ZNF445: variants seen among roughly 807,000 people sequenced by gnomAD.
ZNF445 encodes zinc finger protein 445, also known as zinc finger protein 168.
Under a neutral mutation model 93.9 loss-of-function variants are expected in ZNF445, and 19 were observed. That is an observed-to-expected ratio of 0.20 (90% confidence interval 0.14 to 0.30). ZNF445 has a LOEUF of 0.30. Ranked by LOEUF, ZNF445 falls within the 10% of genes least tolerant of loss-of-function variation. The pLI is 1.00. For missense variants in ZNF445, 1,058 were observed against 1,259.4 expected, an observed-to-expected ratio of 0.84 and a Z score of 2.42; for synonymous variants, 449 against 446.3, an observed-to-expected ratio of 1.01 and a Z score of -0.08.
Position 44,448,586 on chromosome 3 carries a change from T to C in ZNF445, c.1085A>G (p.Lys362Arg), listed in dbSNP as rs1419972769. ...TTGTATGGGATTTTCACATTGATCCTTCTGCCTGCTCTTCTGTTGAAAAGA... is the reference window on the plus strand; with the variant it reads ...TTGTATGGGATTTTCACATTGATCCCTCTGCCTGCTCTTCTGTTGAAAAGA... ...RESFQQKSRQKDQCENPIQVR... is the reference protein window; with the variant it reads ...RESFQQKSRQRDQCENPIQVR... Residue 362 changes from lysine (K) to arginine (R), a missense_variant, in exon 8 of 8, where the codon AAG becomes AGG. Lys to Arg is a conservative substitution (Grantham distance 26). Coordinates refer to ENST00000396077, the MANE Select transcript of ZNF445 (RefSeq NM_181489.6). The C allele has an allele frequency of 6.2e-7, 1 of 1,614,168 alleles. No homozygotes were observed. The highest frequency in any genetic ancestry group is 1.7e-5 in the Admixed American group (1 of 60,028).
In ZNF445 at chr3:44,441,404, C is replaced by T. The variant is rs1575304859; in HGVS notation, c.*5171G>A. On this transcript the variant is annotated 3_prime_UTR_variant, in exon 8 of 8. Transcript: ENST00000396077. ...TCTTTATGACTGTATCTTGTGCTGA[C>T]CTCCTATCTCATCCCATGACTTGGA... 2 of 152,250 alleles carry T rather than the reference C, an allele frequency of 1.3e-5. No individual in the cohort carries two copies. The highest frequency in any genetic ancestry group is 1.3e-4 in the Admixed American group (2 of 15,284). The allele number at this position is 152,250 out of a possible 1,614,324, so 9.4% of individuals were successfully genotyped here. A position where few individuals can be genotyped will look rare whatever the true frequency, so the allele number is the denominator to read the frequency against.
intron 2 of ZNF445, 28 bp downstream of exon 2, chr3:44,458,216 A>C (rs1031668551): frequency 6.6e-6 from 1 of 151,860 alleles, no homozygotes; most frequent in Non-Finnish European, 1.5e-5. Flanking sequence ...TAAAAATACA[A>C]AACTTAGCTG....
chr3:44,469,414 G>T (rs4431151), intron 1 of ZNF445, among the ~76,000 whole-genome samples: 6 of 152,008 alleles, frequency 3.9e-5, no homozygotes, highest in African/African-American at 1.5e-4. Context: ...CTCCTCTGTG[G>T]GGTCTGAAAT....
chr3:44,454,523 T>TTC (rs1698000718), intron 3 of ZNF445, among the ~76,000 whole-genome samples: 2 of 152,206 alleles, frequency 1.3e-5, no homozygotes, highest in African/African-American at 2.4e-5. Context: ...AGCCTTGACC[T>TTC]AACCTGGGTT....
chr3:44,450,007 C>T, intron 6 of ZNF445: 1 of 301,064 alleles, frequency 3.3e-6, no homozygotes, highest in South Asian at 3.2e-5. Flanking sequence ...GTGGTGCGAT[C>T]TTGGCTCACT....
chr3:44,469,132 A>T (rs187035863), intron 1 of ZNF445, among the ~76,000 whole-genome samples: 1 of 152,224 alleles, frequency 6.6e-6, no homozygotes, highest in East Asian at 1.9e-4. Context: ...TAACTGCTTT[A>T]CTGTACACCA....
chr3:44,450,769 G>T, intron 5 of ZNF445, 99 bp downstream of exon 5: 1 of 1,295,132 alleles, frequency 7.7e-7, no homozygotes, highest in Non-Finnish European at 1.0e-6. Context: ...CTTTGGATGT[G>T]AGATTACTAG....
In ZNF445 at chr3:44,431,755, A is replaced by G. The variant is rs1697555050; in HGVS notation, c.*14820T>C. The G allele has an allele frequency of 6.6e-6, 1 of 152,076 alleles. No individual in the cohort carries two copies. The highest frequency in any genetic ancestry group is 1.5e-5 in the Non-Finnish European group (1 of 68,024). 9.4% of individuals were successfully genotyped at this position (152,076 alleles called of 1,614,324 possible). ...CAATACTTTATTACTTCATTTCTAT[A>G]AAGTACAAAAACAGGCAAAAGTAAA... On this transcript the variant is annotated 3_prime_UTR_variant, in exon 8 of 8. Coordinates refer to ENST00000396077, the MANE Select transcript of ZNF445 (RefSeq NM_181489.6).
At position 44,449,937 on chromosome 3, in the gene ZNF445, G is replaced by A. The variant is rs146876787; in HGVS notation, c.821-314C>T. Among the ~76,000 whole-genome samples the A allele has an allele frequency of 4.1e-4, 62 of 152,194 alleles. 1 individual carries two copies. In the East Asian group the frequency reaches 0.012, roughly 29 times the overall value. On this transcript the variant is annotated intron_variant, in intron 6 of 7. Coordinates refer to ENST00000396077, the MANE Select transcript of ZNF445 (RefSeq NM_181489.6). The stretch of plus-strand genomic sequence containing the variant: ...ACTTAAAACATATTACCTTTAATCC[G>A]TTGTTTTTATTTGTCTGTTTTGAAA...
In ZNF445 at chr3:44,438,679, T is replaced by C. The variant is rs1230938219; in HGVS notation, c.*7896A>G. 2 of 151,808 alleles carry C rather than the reference T, an allele frequency of 1.3e-5. No individual in the cohort carries two copies. The highest frequency in any genetic ancestry group is 2.4e-5 in the African/African-American group (1 of 41,318). 9.4% of individuals were successfully genotyped at this position (151,808 alleles called of 1,614,324 possible). A position where few individuals can be genotyped will look rare whatever the true frequency, so the allele number is the denominator to read the frequency against. ...GGCACACATACACCATGGAATACTA[T>C]GCAGCCATAAAAAATGATGAGTTCA... On this transcript the variant is annotated 3_prime_UTR_variant, in exon 8 of 8. Coordinates refer to ENST00000396077, the MANE Select transcript of ZNF445 (RefSeq NM_181489.6).
intron 5 of ZNF445, 117 bp from the exon 6 acceptor site, chr3:44,450,690 AG>A: frequency 7.1e-7 from 1 of 1,417,174 alleles, no homozygotes; most frequent in Non-Finnish European, 9.6e-7. Context: ...CAAAGGTGAA[AG>A]GGAAGACCAT....
chr3:44,447,935 G>A lies in ZNF445; in HGVS notation c.1736C>T (p.Thr579Ile), dbSNP rs1697901863. ...LELNQYRAAL[T>I]YSSGFDHHLG... is the part of the protein sequence containing the mutation. ...ATGATGATCAAACCCTGAGCTGTAGGTGAGAGCTGCCCTATACTGATTCAA... is the reference window on the plus strand; with the variant it reads ...ATGATGATCAAACCCTGAGCTGTAGATGAGAGCTGCCCTATACTGATTCAA... Residue 579 changes from threonine to isoleucine, a missense_variant, in exon 8 of 8, where the codon ACC (threonine) becomes ATC (isoleucine). Thr to Ile is a moderately conservative substitution (Grantham distance 89). This residue lies in a region of ZNF445 where 657 missense variants were observed against 746.4 expected (regional missense o/e 0.88). Transcript: ENST00000396077. The surrounding 1 kb of genome is among the most constrained non-coding windows in gnomAD (Gnocchi z 4.7). The A allele has an allele frequency of 1.9e-6, 3 of 1,613,382 alleles. No homozygotes were observed. Among genetic ancestry groups the A allele is most frequent in the Non-Finnish European group, 2.5e-6 (3 of 1,180,004 alleles).
chr3:44,451,822 G>A (rs1697962925), intron 3 of ZNF445, among the ~76,000 whole-genome samples: 1 of 152,070 alleles, frequency 6.6e-6, no homozygotes, highest in Non-Finnish European at 1.5e-5. Flanking sequence ...CCCACCCCAG[G>A]CCTGTAACTT....
At position 44,455,563 on chromosome 3, in the gene ZNF445, G is replaced by A. The variant is rs770551277; in HGVS notation, c.-14C>T. On this transcript the variant is annotated 5_prime_UTR_variant, in exon 3 of 8. Transcript: ENST00000396077. ...GCCTGGAGGCATCACTCCTGTTCAGGGACTAACCAGAAGAGTGCGAACCAA... is the reference window on the plus strand; with the variant it reads ...GCCTGGAGGCATCACTCCTGTTCAGAGACTAACCAGAAGAGTGCGAACCAA... The A allele has an allele frequency of 6.4e-7, 1 of 1,571,312 alleles. No homozygotes were observed. The highest frequency in any genetic ancestry group is 1.4e-5 in the African/African-American group (1 of 73,698).
chr3:44,473,490 C>CACACACAAAAAAAA (rs774842477), intron 1 of ZNF445, among the ~76,000 whole-genome samples: 3 of 56,930 alleles, frequency 5.3e-5, no homozygotes, highest in African/African-American at 1.3e-4. Context: ...CACACACACA[C>CACACACAAAAAAAA]AAAAAATGCT....
In ZNF445 at chr3:44,455,243, A is replaced by T; in HGVS notation, c.307T>A (p.Phe103Ile). The T allele has an allele frequency of 6.2e-7, 1 of 1,614,210 alleles. No individual in the cohort carries two copies. The highest frequency in any genetic ancestry group is 8.5e-7 in the Non-Finnish European group (1 of 1,180,022). ...QILELLVLEQ[F>I]LSILPGELRV... is the part of the protein sequence containing the mutation. Reference sequence around the variant, plus strand: ...AGCTCCCCAGGCAGGATGCTCAGGAACTGTTCCAGCACCAGCAGCTCTAGG... The same window carrying T: ...AGCTCCCCAGGCAGGATGCTCAGGATCTGTTCCAGCACCAGCAGCTCTAGG... Residue 103 changes from phenylalanine (F) to isoleucine (I), a missense_variant, in exon 3 of 8, where the codon TTC (phenylalanine) becomes ATC (isoleucine). Coordinates refer to ENST00000396077, the MANE Select transcript of ZNF445 (RefSeq NM_181489.6).
chr3:44,466,532 AATAATT>A (rs1380314469), intron 1 of ZNF445, among the ~76,000 whole-genome samples: 1 of 152,196 alleles, frequency 6.6e-6, no homozygotes, highest in Non-Finnish European at 1.5e-5. Flanking sequence ...TGTTATCAGT[AATAATT>A]ATAATTATGT....
At chr3:44,459,063 C>T (rs1382111089) in intron 1 of ZNF445, among the ~76,000 whole-genome samples, 1 of 152,180 alleles carries the variant, frequency 6.6e-6, no homozygotes, top group Non-Finnish European at 1.5e-5. Flanking sequence ...TGGACAACTG[C>T]ACTTGTGGAG....
At chr3:44,461,215 T>C (rs1055208526) in intron 1 of ZNF445, among the ~76,000 whole-genome samples, 1 of 152,118 alleles carries the variant, frequency 6.6e-6, no homozygotes, top group African/African-American at 2.4e-5. Context: ...TTACGGGGTG[T>C]CTGTTTGTAG....
Sources: allele counts gnomAD v4.1 joint callset (sites outside exome capture counted in the v4.1 genomes callset), GRCh38; gene constraint gnomAD v4.1.1; regional missense constraint gnomAD v4.1.1; non-coding constraint Gnocchi (gnomAD v3.1); transcripts MANE v1.5; gene names NCBI Gene and HGNC (gene_info 2026-07-23, HGNC 2026-07-21).